The following SLC8A2 variants were observed in gnomAD, a reference collection of about 807,000 sequenced individuals.
SLC8A2 encodes sodium/calcium exchanger 2.
A neutral mutation model predicts 70.2 loss-of-function variants in SLC8A2; 14 were observed. That is an observed-to-expected ratio of 0.20 (90% CI 0.13 to 0.31). The LOEUF is 0.31. Among genes scored for constraint, SLC8A2 ranks in the 10% least tolerant of loss-of-function variants. SLC8A2 has a pLI of 1.00. For missense variants in SLC8A2, 779 were observed against 1,320.1 expected (o/e 0.59, Z 6.35); for synonymous variants, 575 against 594.3 (o/e 0.97, Z 0.47).
In SLC8A2 at chr19:47,447,939, C is replaced by T; in HGVS notation, c.1633G>A (p.Val545Ile). The T allele has an allele frequency of 1.3e-6, 2 of 1,562,704 alleles. No homozygotes were observed. ...CCGCGCGCGCCCGAGCTGCGCACGACGCGCACGTCCACGGTGCCCATGCAC... is the reference window on the plus strand; with the variant it reads ...CCGCGCGCGCCCGAGCTGCGCACGATGCGCACGTCCACGGTGCCCATGCAC... ...SECMGTVDVR[V>I]VRSSGARGTV... Residue 545 changes from valine to isoleucine, a missense_variant, in exon 4 of 10, where the codon GTC (valine) becomes ATC (isoleucine). Around this residue, in one of 6 missense-constraint regions of SLC8A2, gnomAD observed 247 missense variants for 362.8 expected, o/e 0.68. Transcript: ENST00000236877. The surrounding 1 kb of genome is among the most constrained non-coding windows in gnomAD (Gnocchi z 5.1).
chr19:47,467,539 A>G (rs1414988118), intron 1 of SLC8A2, among the ~76,000 whole-genome samples: 5 of 152,084 alleles, frequency 3.3e-5, no homozygotes, highest in African/African-American at 9.7e-5. Flanking sequence ...CCCAGGCTCT[A>G]TAAGTGGTGC....
rs376519665 is a variant in SLC8A2, at chr19:47,432,342, G to T, written c.2214C>A (p.Ala738=). The part of the protein sequence containing the change: ...FLTVFWKVLF[A]CVPPTEYCHG... ...GGCAGTACTCGGTGGGGGGCACACA[G>T]GCGAAGAGCACCTTCCAGAACACCG... The change falls in exon 9 of 10, where the codon GCC becomes GCA. Residue 738 remains alanine, a synonymous_variant. Transcript: ENST00000236877. The surrounding 1 kb of genome is among the most constrained non-coding windows in gnomAD (Gnocchi z 6.2). The T allele has an allele frequency of 1.2e-6, 2 of 1,614,136 alleles. No individual in the cohort carries two copies. Among genetic ancestry groups the T allele is most frequent in the Non-Finnish European group, 1.7e-6 (2 of 1,180,020 alleles).
At chr19:47,471,566 C>T (rs1044863844) in intron 1 of SLC8A2, among the ~76,000 whole-genome samples, 17 of 152,022 alleles carry the variant, frequency 1.1e-4, no homozygotes, top group Admixed American at 8.5e-4. Flanking sequence ...CAGGCGGTCC[C>T]CCTCCCCAGC....
chr19:47,430,108 C>CCT lies in SLC8A2; in HGVS notation c.2746_2747insAG (p.Cys916Ter). Reference protein sequence around the residue: ...YILFASLEAYCHIRGF With the variant: ...YILFASLEAY ...GAGGCCCTAGAAGCCCCGGATGTGGCAGTACGCCTCCAGGCTGGCGAAGAG... is the reference window on the plus strand; with the variant it reads ...GAGGCCCTAGAAGCCCCGGATGTGGCCTAGTACGCCTCCAGGCTGGCGAAGAG... Residue 916 changes from cysteine (C) to a stop codon, truncating the protein, a stop_gained and frameshift_variant, in exon 10 of 10, where the codon TGC (cysteine) becomes TAGGC (stop). Transcript: ENST00000236877. LOFTEE classifies it high-confidence loss of function. The surrounding 1 kb of genome is among the most constrained non-coding windows in gnomAD (Gnocchi z 5.9). 1 of 1,589,350 alleles carries CCT rather than the reference C, an allele frequency of 6.3e-7. No homozygotes were observed. Among genetic ancestry groups the CCT allele is most frequent in the Non-Finnish European group, 8.6e-7 (1 of 1,167,696 alleles).
intron 4 of SLC8A2, among the ~76,000 whole-genome samples, chr19:47,446,738 C>A (rs1425380052): frequency 6.6e-6 from 1 of 152,166 alleles, no homozygotes; most frequent in Non-Finnish European, 1.5e-5. Context: ...AGGAGTCTTG[C>A]TATGTTGCCC....
Position 47,432,559 on chromosome 19 carries a change from A to T in SLC8A2, c.2111-114T>A. 9.0e-7 allele frequency: 1 copy of T among 1,114,592 alleles called. No individual in the cohort carries two copies. The allele number at this position is 1,114,592 out of a possible 1,614,324, so 69.0% of individuals were successfully genotyped here. On this transcript the variant is annotated intron_variant, in intron 8 of 9. Coordinates refer to ENST00000236877, the MANE Select transcript of SLC8A2 (RefSeq NM_015063.3). The surrounding 1 kb of genome is among the most constrained non-coding windows in gnomAD (Gnocchi z 6.2). The stretch of plus-strand genomic sequence containing the variant: ...GTCCCATTGAATGAACTTCTTTCCC[A>T]GAATCCCTTGCACCTACCTGTGGCC...
intron 9 of SLC8A2, among the ~76,000 whole-genome samples, chr19:47,431,598 G>A (rs1599842708): frequency 6.8e-6 from 1 of 146,080 alleles, no homozygotes; most frequent in African/African-American, 2.5e-5. Context: ...GCAGTGAGCC[G>A]AGATCACAAG....
In SLC8A2 at chr19:47,456,971, A is replaced by T. The variant is rs1967311819; in HGVS notation, c.1299T>A (p.Thr433=). The T allele has an allele frequency of 1.2e-6, 2 of 1,611,470 alleles. No homozygotes were observed. The highest frequency in any genetic ancestry group is 1.1e-5 in the South Asian group (1 of 90,838). ...AGCCCGCCTTGGCAGAGCCGTCCTC[A>T]GTGCGGTAGTCCACGTAGAAGGTGC... The part of the protein sequence containing the change: ...GNSTFYVDYR[T]EDGSAKAGSD... The change falls in exon 3 of 10, where the codon ACT becomes ACA. Residue 433 remains threonine (T), a synonymous_variant. Coordinates refer to ENST00000236877, the MANE Select transcript of SLC8A2 (RefSeq NM_015063.3).
In SLC8A2 at chr19:47,437,985, G is replaced by C; in HGVS notation, c.1886-12C>G. 6.2e-7 allele frequency: 1 copy of C among 1,613,970 alleles called. No homozygotes were observed. Among genetic ancestry groups the C allele is most frequent in the Non-Finnish European group, 8.5e-7 (1 of 1,179,992 alleles). On this transcript the variant is annotated splice_polypyrimidine_tract_variant and intron_variant, in intron 6 of 9. Transcript: ENST00000236877. ...CCTGTCCCCATCCCCTGCAGCATGAGGGGTGGGGGTTAGACTCCTGGGAGA... is the reference window on the plus strand; with the variant it reads ...CCTGTCCCCATCCCCTGCAGCATGACGGGTGGGGGTTAGACTCCTGGGAGA...
intron 3 of SLC8A2, among the ~76,000 whole-genome samples, chr19:47,451,243 C>T (rs897125875): frequency 6.6e-6 from 1 of 151,916 alleles, no homozygotes; most frequent in African/African-American, 2.4e-5. Context: ...CTCCTGACCT[C>T]GTGATCTGCC....
Position 47,465,526 on chromosome 19 carries a change from C to T in SLC8A2, c.675+203G>A, listed in dbSNP as rs1242786747. Among the ~76,000 whole-genome samples, 4 of 152,230 alleles carry T rather than the reference C, an allele frequency of 2.6e-5. No individual in the cohort carries two copies. The highest frequency in any genetic ancestry group is 5.9e-5 in the Non-Finnish European group (4 of 68,040). On this transcript the variant is annotated intron_variant, in intron 2 of 9. Transcript: ENST00000236877. This position sits in a 1 kb window ranked among gnomAD's most constrained non-coding sequence, Gnocchi z 5.5. ...ATATGGCTGGGTAGCATCAGCAGGACTCCAGCCCCTCCAGCAGGACTTGCC... is the reference window on the plus strand; with the variant it reads ...ATATGGCTGGGTAGCATCAGCAGGATTCCAGCCCCTCCAGCAGGACTTGCC...
chr19:47,455,114 G>C (rs1967288743), intron 3 of SLC8A2, among the ~76,000 whole-genome samples: 1 of 151,916 alleles, frequency 6.6e-6, no homozygotes, highest in Non-Finnish European at 1.5e-5. Context: ...GAGGAGAGGA[G>C]AGAGTAGAGG....
chr19:47,456,896 G>C, intron 3 of SLC8A2, 34 bp downstream of exon 3: 3 of 1,540,292 alleles, frequency 1.9e-6, no homozygotes, highest in Non-Finnish European at 2.6e-6. Flanking sequence ...GCCTGCGCCA[G>C]CCCCCTGCAC....
In SLC8A2 at chr19:47,441,098, G is replaced by A. The variant is rs150594111; in HGVS notation, c.1885+71C>T. On this transcript the variant is annotated intron_variant, in intron 6 of 9. Coordinates refer to ENST00000236877, the MANE Select transcript of SLC8A2 (RefSeq NM_015063.3). ...CCCAACCTGGAAGAGTAGCTTTGGG[G>A]CTGGGACCCTCCCCCAGGCCCTCTT... 1.4e-4 allele frequency: 197 copies of A among 1,453,340 alleles called. No individual in the cohort carries two copies. The African/African-American group carries it at 2.5e-3, about 18-fold the overall frequency. 90.0% of individuals were successfully genotyped at this position (1,453,340 alleles called of 1,614,324 possible).
Position 47,435,167 on chromosome 19 carries a change from G to A in SLC8A2, c.2110+2295C>T, listed in dbSNP as rs1423436899. 3.4e-5 allele frequency among the ~76,000 whole-genome samples: 5 copies of A among 149,162 alleles called. No individual in the cohort carries two copies. The South Asian group carries it at 6.4e-4, about 19-fold the overall frequency. On this transcript the variant is annotated intron_variant, in intron 8 of 9. Transcript: ENST00000236877. ...GAGGCTGAGGAGGCTGCAGTGAGCC[G>A]AGATCACACCACTACACTCCAGCCT...
chr19:47,466,545 C>A lies in SLC8A2; in HGVS notation c.-16-126G>T. On this transcript the variant is annotated intron_variant, in intron 1 of 9. Coordinates refer to ENST00000236877, the MANE Select transcript of SLC8A2 (RefSeq NM_015063.3). The surrounding 1 kb of genome is among the most constrained non-coding windows in gnomAD (Gnocchi z 6.9). ...AGGACCAATGCAGGCAGGATGGGGACTGAGGGCGACAGAGACACAGAGAGT... is the reference window on the plus strand; with the variant it reads ...AGGACCAATGCAGGCAGGATGGGGAATGAGGGCGACAGAGACACAGAGAGT... The A allele has an allele frequency of 1.8e-6, 1 of 558,566 alleles. No individual in the cohort carries two copies. Among genetic ancestry groups the A allele is most frequent in the Non-Finnish European group, 3.1e-6 (1 of 317,470 alleles). 34.6% of individuals were successfully genotyped at this position (558,566 alleles called of 1,614,324 possible).
chr19:47,450,390 G>A (rs533756085), intron 3 of SLC8A2, among the ~76,000 whole-genome samples: 53 of 152,304 alleles, frequency 3.5e-4, no homozygotes, highest in African/African-American at 1.2e-3. Flanking sequence ...GGGTGTAGCA[G>A]CGCATGCCTG....
chr19:47,430,314 G>A lies in SLC8A2; in HGVS notation c.2541C>T (p.Pro847=). 6.2e-7 allele frequency: 1 copy of A among 1,612,434 alleles called. No homozygotes were observed. The highest frequency in any genetic ancestry group is 8.5e-7 in the Non-Finnish European group (1 of 1,179,384). Residue 847 remains proline (P), a synonymous_variant, in exon 10 of 10, where the codon CCC becomes CCT. Coordinates refer to ENST00000236877, the MANE Select transcript of SLC8A2 (RefSeq NM_015063.3). This position sits in a 1 kb window ranked among gnomAD's most constrained non-coding sequence, Gnocchi z 5.9. ...CCAGCGTGCCAGTGCGCACCTCGAAGGGGCGGCCCTGCACCGCCCAGTACA... is the reference window on the plus strand; with the variant it reads ...CCAGCGTGCCAGTGCGCACCTCGAAAGGGCGGCCCTGCACCGCCCAGTACA... ...AAVYWAVQGR[P]FEVRTGTLAF...
chr19:47,432,051 G>T lies in SLC8A2; in HGVS notation c.2389+116C>A. 1 of 995,132 alleles carries T rather than the reference G, an allele frequency of 1.0e-6. No homozygotes were observed. The highest frequency in any genetic ancestry group is 1.5e-6 in the Non-Finnish European group (1 of 688,144). The allele number at this position is 995,132 out of a possible 1,614,324, so 61.6% of individuals were successfully genotyped here. A position where few individuals can be genotyped will look rare whatever the true frequency, so the allele number is the denominator to read the frequency against. The stretch of plus-strand genomic sequence containing the variant: ...TTATGCCCCACCTCCGTATTTCTCT[G>T]AGACCCACCACATGGGCGCTGTGTG... On this transcript the variant is annotated intron_variant, in intron 9 of 9. Coordinates refer to ENST00000236877, the MANE Select transcript of SLC8A2 (RefSeq NM_015063.3). The surrounding 1 kb of genome is among the most constrained non-coding windows in gnomAD (Gnocchi z 6.2).
Sources: gnomAD v4.1 joint callset for allele counts (sites outside exome capture counted in the v4.1 genomes callset) on GRCh38, gnomAD v4.1.1 for gene constraint, gnomAD v4.1.1 regional missense constraint, Gnocchi (gnomAD v3.1) non-coding constraint, MANE v1.5 for transcripts, NCBI Gene and HGNC (gene_info 2026-07-23, HGNC 2026-07-21) for gene names.